The following PBX1 variants were observed in gnomAD, a reference collection of about 807,000 sequenced individuals.
The protein encoded by PBX1 is pre-B-cell leukemia transcription factor 1.
In PBX1, 6 loss-of-function variants were observed where a neutral mutation model predicts 53.4. The ratio of observed to expected loss-of-function variants is 0.11; its 90% CI spans 0.06 to 0.22. PBX1 has a LOEUF of 0.22. Among genes scored for constraint, PBX1 ranks in the 10% least tolerant of loss-of-function variants. The pLI is 1.00. For synonymous variants in PBX1, 204 were observed against 212.3 expected, an observed-to-expected ratio of 0.96 and a Z score of 0.34; for missense variants, 251 against 551.4, an observed-to-expected ratio of 0.46 and a Z score of 5.46.
chr1:164,853,875 T>A (rs754001721), downstream of PBX1, among the ~76,000 whole-genome samples: 2 of 152,082 alleles, frequency 1.3e-5, no homozygotes, highest in Non-Finnish European at 2.9e-5. Flanking sequence ...GATTTGTACA[T>A]GGCTATCCTT....
intron 2 of PBX1, among the ~76,000 whole-genome samples, chr1:164,742,835 A>G (rs1665683502): frequency 6.6e-6 from 1 of 152,242 alleles, no homozygotes; most frequent in African/African-American, 2.4e-5. Flanking sequence ...TGAGGTTAAT[A>G]GTCCTGGCCA....
chr1:164,832,622 A>C (rs1475564054), intron 8 of PBX1, among the ~76,000 whole-genome samples: 1 of 152,152 alleles, frequency 6.6e-6, no homozygotes, highest in Non-Finnish European at 1.5e-5. Flanking sequence ...CTGCAAGGGT[A>C]ATATAATATA....
chr1:164,593,312 T>A (rs1472195772), intron 2 of PBX1, among the ~76,000 whole-genome samples: 1 of 152,128 alleles, frequency 6.6e-6, no homozygotes, highest in African/African-American at 2.4e-5. Context: ...CAGACATCAT[T>A]TTGTTGGATT....
At chr1:164,729,818 G>C (rs1423508561) in intron 2 of PBX1, among the ~76,000 whole-genome samples, 1 of 151,354 alleles carries the variant, frequency 6.6e-6, no homozygotes, top group Non-Finnish European at 1.5e-5. Context: ...GCAAAAGACA[G>C]ATAATAAAAA....
chr1:164,844,740 A>G (rs565034426), intron 8 of PBX1, among the ~76,000 whole-genome samples: 1 of 152,302 alleles, frequency 6.6e-6, no homozygotes, highest in Non-Finnish European at 1.5e-5. Context: ...GGAGGCTACA[A>G]TATTATCACC....
At chr1:164,621,347 T>G (rs1231536164) in intron 2 of PBX1, among the ~76,000 whole-genome samples, 1 of 152,228 alleles carries the variant, frequency 6.6e-6, no homozygotes. Flanking sequence ...TATTTTGCCT[T>G]CCTTTTCTTT....
intron 2 of PBX1, among the ~76,000 whole-genome samples, chr1:164,728,598 A>C (rs532435513): frequency 6.6e-6 from 1 of 152,362 alleles, no homozygotes; most frequent in Admixed American, 6.5e-5. Flanking sequence ...ACAAGGCCAG[A>C]ATAATGAAAT....
At chr1:164,744,441 A>G (rs956926302) in intron 2 of PBX1, among the ~76,000 whole-genome samples, 2 of 152,210 alleles carry the variant, frequency 1.3e-5, no homozygotes, top group African/African-American at 4.8e-5. Flanking sequence ...TCTTAACTGA[A>G]ACAACAATAA....
chr1:164,763,565 T>C (rs183556439), intron 2 of PBX1, among the ~76,000 whole-genome samples: 1 of 152,224 alleles, frequency 6.6e-6, no homozygotes, highest in African/African-American at 2.4e-5. Context: ...CACTTGGGTT[T>C]AGCTACAGCC....
At chr1:164,608,673 A>T (rs968676389) in intron 2 of PBX1, among the ~76,000 whole-genome samples, 1 of 152,184 alleles carries the variant, frequency 6.6e-6, no homozygotes, top group Non-Finnish European at 1.5e-5. Flanking sequence ...TCTGACTCCC[A>T]CTTCTAACTC....
chr1:164,715,608 A>C (rs1664041561), intron 2 of PBX1, among the ~76,000 whole-genome samples: 1 of 152,144 alleles, frequency 6.6e-6, no homozygotes, highest in South Asian at 2.1e-4. Flanking sequence ...TAATACCTGG[A>C]TCATAATAGG....
At chr1:164,774,288 T>G (rs1161324581) in intron 2 of PBX1, 4 of 152,226 alleles carry the variant, frequency 2.6e-5, no homozygotes, top group African/African-American at 9.6e-5. Context: ...AAGTAGAGAC[T>G]TTTTTGTAGG....
intron 2 of PBX1, among the ~76,000 whole-genome samples, chr1:164,635,801 A>G (rs1231522010): frequency 6.6e-6 from 1 of 152,198 alleles, no homozygotes; most frequent in African/African-American, 2.4e-5. Context: ...ACTCCTTGGG[A>G]GGATTTCTGC....
chr1:164,841,967 C>T (rs1451240630), intron 8 of PBX1, among the ~76,000 whole-genome samples: 1 of 152,124 alleles, frequency 6.6e-6, no homozygotes, highest in Non-Finnish European at 1.5e-5. Context: ...GGCACCTCAG[C>T]GTATTTCTGG....
chr1:164,712,209 C>T (rs904599733), intron 2 of PBX1, among the ~76,000 whole-genome samples: 2 of 149,414 alleles, frequency 1.3e-5, no homozygotes, highest in East Asian at 2.0e-4. Context: ...CACTGCCAGT[C>T]GGGCAGCTCT....
At chr1:164,737,317 T>C (rs185527619) in intron 2 of PBX1, among the ~76,000 whole-genome samples, 1 of 152,158 alleles carries the variant, frequency 6.6e-6, no homozygotes, top group Non-Finnish European at 1.5e-5. Context: ...AGGATGAAAT[T>C]AGAAAAATAT....
At chr1:164,777,000 G>T in intron 2 of PBX1, among the ~76,000 whole-genome samples, 3 of 130,598 alleles carry the variant, frequency 2.3e-5, no homozygotes, top group Admixed American at 7.8e-5. Context: ...GGGGCGGGGG[G>T]CTGCCATCCA....
chr1:164,694,402 C>A (rs1449296025), intron 2 of PBX1, among the ~76,000 whole-genome samples: 1 of 152,200 alleles, frequency 6.6e-6, no homozygotes, highest in Non-Finnish European at 1.5e-5. Context: ...GAGGACTTAT[C>A]TTCTTTGTCA....
intron 2 of PBX1, among the ~76,000 whole-genome samples, chr1:164,867,074 G>A (rs928134027): frequency 2.0e-5 from 3 of 152,176 alleles, no homozygotes; most frequent in Non-Finnish European, 4.4e-5. Flanking sequence ...AAATTTATTA[G>A]ACAATGTGAC....
Sources: gnomAD v4.1 joint callset for allele counts (sites outside exome capture counted in the v4.1 genomes callset) on GRCh38, gnomAD v4.1.1 for gene constraint, MANE v1.5 for transcripts, NCBI Gene and HGNC (gene_info 2026-07-23, HGNC 2026-07-21) for gene names.